Variants in ZDHHC14 observed in about 807,000 individuals in gnomAD.
The protein encoded by ZDHHC14 is zDHHC palmitoyltransferase 14, also known as palmitoyltransferase ZDHHC14.
Under a neutral mutation model 47.7 loss-of-function variants are expected in ZDHHC14, and 16 were observed. That is an observed-to-expected ratio of 0.34 (90% CI 0.23 to 0.51). The LOEUF is 0.51. Ranked by LOEUF, ZDHHC14 falls within the 20% of genes least tolerant of loss-of-function variation. The probability of loss-of-function intolerance (pLI) is 0.97; values close to 1 mark genes in which losing one functional copy is unlikely to be tolerated. For synonymous variants in ZDHHC14, 293 were observed against 278.9 expected (o/e 1.05, Z -0.50); for missense variants, 515 against 662.5 (o/e 0.78, Z 2.44).
chr6:157,595,280 C>T (rs1784083578), intron 3 of ZDHHC14, among the ~76,000 whole-genome samples: 1 of 147,630 alleles, frequency 6.8e-6, no homozygotes, highest in Admixed American at 6.9e-5. Context: ...GCAACCTCCA[C>T]CTCCCGGATT....
chr6:157,655,212 G>T (rs772240799), intron 8 of ZDHHC14, among the ~76,000 whole-genome samples: 3 of 152,160 alleles, frequency 2.0e-5, no homozygotes, highest in Non-Finnish European at 2.9e-5. Flanking sequence ...AGACAGGCTC[G>T]CAGGAAAGGG....
At chr6:157,523,657 T>G (rs1781043819) in intron 1 of ZDHHC14, among the ~76,000 whole-genome samples, 1 of 150,004 alleles carries the variant, frequency 6.7e-6, no homozygotes. Context: ...ACACTTTGGG[T>G]GGCTGAAGTG....
At chr6:157,404,608 G>T (rs1280564468) in intron 1 of ZDHHC14, among the ~76,000 whole-genome samples, 1 of 152,156 alleles carries the variant, frequency 6.6e-6, no homozygotes, top group East Asian at 1.9e-4. Flanking sequence ...GTGCCCATTT[G>T]AGGGGATAAA....
intron 7 of ZDHHC14, among the ~76,000 whole-genome samples, chr6:157,648,081 G>A (rs1000927756): frequency 7.2e-5 from 11 of 152,198 alleles, no homozygotes; most frequent in African/African-American, 2.2e-4. Flanking sequence ...CAATGTCAGA[G>A]CCAGTATGTG....
intron 7 of ZDHHC14, among the ~76,000 whole-genome samples, chr6:157,651,716 G>T (rs1366700999): frequency 2.6e-5 from 4 of 152,158 alleles, no homozygotes; most frequent in Admixed American, 6.5e-5. Context: ...TTACAGGCAT[G>T]TGCCATCACG....
At chr6:157,488,876 C>A (rs535539918) in intron 1 of ZDHHC14, among the ~76,000 whole-genome samples, 1 of 152,304 alleles carries the variant, frequency 6.6e-6, no homozygotes, top group East Asian at 1.9e-4. Context: ...TGTGGAGGTG[C>A]CTTAGTGTCG....
intron 1 of ZDHHC14, among the ~76,000 whole-genome samples, chr6:157,499,046 T>G (rs1239400573): frequency 6.6e-6 from 1 of 151,988 alleles, no homozygotes. Flanking sequence ...GTTCTGAAAC[T>G]TGAAGAGAAA....
At chr6:157,479,184 A>G (rs1201110181) in intron 1 of ZDHHC14, among the ~76,000 whole-genome samples, 1 of 152,234 alleles carries the variant, frequency 6.6e-6, no homozygotes, top group Non-Finnish European at 1.5e-5. Flanking sequence ...TGGGCAAGTT[A>G]CATACCCACT....
intron 2 of ZDHHC14, among the ~76,000 whole-genome samples, chr6:157,553,168 C>A (rs1339470249): frequency 6.6e-6 from 1 of 152,140 alleles, no homozygotes; most frequent in Admixed American, 6.5e-5. Context: ...ACCAACCTAA[C>A]CAGATTCCAG....
At chr6:157,418,985 G>A (rs1318082022) in intron 1 of ZDHHC14, among the ~76,000 whole-genome samples, 3 of 152,230 alleles carry the variant, frequency 2.0e-5, no homozygotes, top group Non-Finnish European at 4.4e-5. Context: ...GATGCTAGGA[G>A]GTCATATATA....
intron 1 of ZDHHC14, among the ~76,000 whole-genome samples, chr6:157,410,024 T>C (rs1429241837): frequency 1.3e-4 from 20 of 151,984 alleles, no homozygotes; most frequent in Non-Finnish European, 1.2e-4. Context: ...TAGAGACGGG[T>C]ATCACCATGT....
intron 2 of ZDHHC14, among the ~76,000 whole-genome samples, chr6:157,583,679 A>T (rs1783593317): frequency 1.3e-5 from 2 of 152,024 alleles, no homozygotes; most frequent in East Asian, 3.9e-4. Context: ...GTGCCCTCTC[A>T]GTGTTCTGAG....
rs142699712 is a variant in ZDHHC14 at position 157,616,230 on chromosome 6, G to T, written c.566-12119G>T. 2.6e-5 allele frequency among the ~76,000 whole-genome samples: 4 copies of T among 152,330 alleles called. No homozygotes were observed. In the East Asian group the frequency reaches 5.8e-4, roughly 22 times the overall value. On this transcript the variant is annotated intron_variant, in intron 3 of 8. Coordinates refer to ENST00000359775, the MANE Select transcript of ZDHHC14 (RefSeq NM_024630.3). ...AGTGCAGTGGCCTTCAGACACTGGGGAGCAAGACAGGAGAGATCAGAGAGA... is the reference window on the plus strand; with the variant it reads ...AGTGCAGTGGCCTTCAGACACTGGGTAGCAAGACAGGAGAGATCAGAGAGA...
chr6:157,484,293 G>GTA (rs113082888), intron 1 of ZDHHC14, among the ~76,000 whole-genome samples: 50 of 139,166 alleles, frequency 3.6e-4, no homozygotes, highest in East Asian at 2.1e-3. Flanking sequence ...ATATATATGT[G>GTA]TATATATATA....
At chr6:157,623,766 T>G (rs1453495732) in intron 3 of ZDHHC14, among the ~76,000 whole-genome samples, 5 of 152,208 alleles carry the variant, frequency 3.3e-5, no homozygotes, top group African/African-American at 1.2e-4. Flanking sequence ...GCCAGGATAT[T>G]CTCGATCTCC....
chr6:157,544,046 G>C (rs1781869437), intron 2 of ZDHHC14, among the ~76,000 whole-genome samples: 1 of 152,212 alleles, frequency 6.6e-6, no homozygotes, highest in Admixed American at 6.5e-5. Context: ...GCCCCCAAGA[G>C]GGGCTTAAAT....
chr6:157,538,381 G>C (rs869096), intron 1 of ZDHHC14, among the ~76,000 whole-genome samples: 1 of 151,970 alleles, frequency 6.6e-6, no homozygotes, highest in African/African-American at 2.4e-5. Context: ...AGGACCTAGC[G>C]AGCTGACAAA....
intron 5 of ZDHHC14, among the ~76,000 whole-genome samples, chr6:157,642,111 A>T (rs1392589181): frequency 6.6e-6 from 1 of 152,208 alleles, no homozygotes; most frequent in African/African-American, 2.4e-5. Context: ...TTTAAAACAC[A>T]AGAATGCACA....
At chr6:157,413,719 T>C (rs1477348706) in intron 1 of ZDHHC14, among the ~76,000 whole-genome samples, 1 of 152,064 alleles carries the variant, frequency 6.6e-6, no homozygotes, top group Non-Finnish European at 1.5e-5. Context: ...CCTGTCTCCA[T>C]GGAGCCTCAA....
Sources: gnomAD v4.1 joint callset for allele counts (sites outside exome capture counted in the v4.1 genomes callset) on GRCh38, gnomAD v4.1.1 for gene constraint, MANE v1.5 for transcripts, NCBI Gene and HGNC (gene_info 2026-07-23, HGNC 2026-07-21) for gene names.